CRYZL1: variants seen among roughly 807,000 people sequenced by gnomAD.
CRYZL1 encodes the protein crystallin zeta like 1, also known as ferry endosomal RAB5 effector complex subunit 4.
CRYZL1 carries 34 observed loss-of-function variants against 50.6 expected under a neutral mutation model. That is an observed-to-expected ratio of 0.67 (90% CI 0.51 to 0.89). CRYZL1 has a LOEUF of 0.89. Among genes scored for constraint, CRYZL1 ranks in the 40% least tolerant of loss-of-function variants. The pLI is 0.00. For missense variants in CRYZL1, 354 were observed against 402.3 expected (o/e 0.88, Z 1.03); for synonymous variants, 125 against 134.3 (o/e 0.93, Z 0.48).
rs534819155 is a variant in CRYZL1 at position 33,604,370 on chromosome 21, A to G, written c.332-833T>C. Among the ~76,000 whole-genome samples the G allele has an allele frequency of 4.5e-4, 67 of 149,896 alleles. No homozygotes were observed. The South Asian group carries it at 0.014, about 31-fold the overall frequency. Reference sequence around the variant, plus strand: ...GACTCCGTCTCAAAAAAAAAAAAAAAAAAAAAAAAGTAGCCAGGCGTGGTG... The same window carrying G: ...GACTCCGTCTCAAAAAAAAAAAAAAGAAAAAAAAAGTAGCCAGGCGTGGTG... On this transcript the variant is annotated intron_variant, in intron 6 of 12. Coordinates refer to ENST00000381554, the MANE Select transcript of CRYZL1 (RefSeq NM_145858.3).
chr21:33,641,034 T>C, intron 1 of CRYZL1: 1 of 1,257,436 alleles, frequency 8.0e-7, no homozygotes, highest in African/African-American at 1.5e-5. Flanking sequence ...AAAATTAAAA[T>C]GACATAAGGG....
chr21:33,636,108 C>G (rs2087203947), intron 1 of CRYZL1, among the ~76,000 whole-genome samples: 1 of 152,010 alleles, frequency 6.6e-6, no homozygotes, highest in South Asian at 2.1e-4. Flanking sequence ...TGATATAAAA[C>G]TTTTTGCCCA....
intron 11 of CRYZL1, among the ~76,000 whole-genome samples, chr21:33,592,547 G>GA (rs1376449378): frequency 1.4e-4 from 22 of 152,048 alleles, no homozygotes; most frequent in African/African-American, 3.4e-4. Flanking sequence ...AAAAATCAAA[G>GA]AAAAAATCTA....
At chr21:33,618,687 G>T (rs990646829) in intron 4 of CRYZL1, among the ~76,000 whole-genome samples, 8 of 152,086 alleles carry the variant, frequency 5.3e-5, no homozygotes, top group East Asian at 1.9e-4. Context: ...CTTTCTTTTG[G>T]AGTTTGCTTC....
chr21:33,596,934 C>G (rs1017976060), intron 10 of CRYZL1, among the ~76,000 whole-genome samples: 5 of 151,206 alleles, frequency 3.3e-5, no homozygotes, highest in African/African-American at 1.2e-4. Flanking sequence ...GCAATCTCGG[C>G]TCACTACAAC....
At chr21:33,639,118 A>G (rs968032272) in intron 1 of CRYZL1, among the ~76,000 whole-genome samples, 1 of 152,220 alleles carries the variant, frequency 6.6e-6, no homozygotes, top group African/African-American at 2.4e-5. Flanking sequence ...ACTCTTTTGG[A>G]TCTCAAAAGA....
In CRYZL1 at chr21:33,605,307, A is replaced by C. The variant is rs2086798815; in HGVS notation, c.332-1770T>G. Among the ~76,000 whole-genome samples, 4 of 151,992 alleles carry C rather than the reference A, an allele frequency of 2.6e-5. No individual in the cohort carries two copies. In the South Asian group the frequency reaches 8.3e-4, roughly 32 times the overall value. ...AACAGTATCTTTAAAAAACAGAATC[A>C]TCAGAATGATATTTTAAAAAGATAA... On this transcript the variant is annotated intron_variant, in intron 6 of 12. Coordinates refer to ENST00000381554, the MANE Select transcript of CRYZL1 (RefSeq NM_145858.3).
At chr21:33,608,939 T>C (rs2086841653) in intron 6 of CRYZL1, among the ~76,000 whole-genome samples, 1 of 152,218 alleles carries the variant, frequency 6.6e-6, no homozygotes, top group South Asian at 2.1e-4. Flanking sequence ...ACACTTTCCA[T>C]AATGACTGTA....
intron 9 of CRYZL1, among the ~76,000 whole-genome samples, chr21:33,597,714 G>C (rs944115841): frequency 6.6e-6 from 1 of 152,112 alleles, no homozygotes; most frequent in Non-Finnish European, 1.5e-5. Context: ...CCGGGTTCAC[G>C]CCATCCTCCT....
intron 1 of CRYZL1, chr21:33,641,432 G>C: frequency 8.3e-7 from 1 of 1,207,092 alleles, no homozygotes; most frequent in Non-Finnish European, 1.1e-6. Flanking sequence ...TAAAAGTAGA[G>C]GGAGATGCAA....
intron 1 of CRYZL1, among the ~76,000 whole-genome samples, chr21:33,637,348 G>A (rs940549644): frequency 1.3e-5 from 2 of 151,128 alleles, no homozygotes; most frequent in East Asian, 3.9e-4. Flanking sequence ...GGGAGGCTGA[G>A]AAGGGAGAAT....
At chr21:33,612,591 T>C (rs1367132456) in intron 6 of CRYZL1, among the ~76,000 whole-genome samples, 1 of 152,136 alleles carries the variant, frequency 6.6e-6, no homozygotes, top group African/African-American at 2.4e-5. Context: ...GCCTGGCTGA[T>C]GGTCAGACTT....
intron 3 of CRYZL1, among the ~76,000 whole-genome samples, chr21:33,624,431 C>T (rs962599751): frequency 1.6e-4 from 24 of 152,142 alleles, no homozygotes; most frequent in Non-Finnish European, 3.1e-4. Context: ...CTCCTGTGAT[C>T]CTAGCTACTC....
In CRYZL1 at chr21:33,604,427, G is replaced by T. The variant is rs2086790252; in HGVS notation, c.332-890C>A. Among the ~76,000 whole-genome samples, 2 of 150,852 alleles carry T rather than the reference G, an allele frequency of 1.3e-5. 1 individual carries two copies. The highest frequency in any genetic ancestry group is 1.3e-4 in the Admixed American group (2 of 15,104). ...GCCTTTGGTCCCAACTACTGGAGAG[G>T]CTGAGGCAGGAGAATGGTGTGAACC... On this transcript the variant is annotated intron_variant, in intron 6 of 12. Coordinates refer to ENST00000381554, the MANE Select transcript of CRYZL1 (RefSeq NM_145858.3).
At chr21:33,609,849 C>T (rs1209363074) in intron 6 of CRYZL1, among the ~76,000 whole-genome samples, 4 of 151,734 alleles carry the variant, frequency 2.6e-5, no homozygotes, top group African/African-American at 9.7e-5. Context: ...ACTACAGGCA[C>T]CTGCCACCAC....
intron 6 of CRYZL1, among the ~76,000 whole-genome samples, chr21:33,605,527 A>ATTTTTTTTTTTTTT (rs1555904645): frequency 6.7e-5 from 1 of 14,840 alleles, no homozygotes. Context: ...CAGTACAAGA[A>ATTTTTTTTTTTTTT]TTCTTTTTTT....
chr21:33,596,894 A>G lies in CRYZL1; in HGVS notation c.798+386T>C, dbSNP rs1407029465. Among the ~76,000 whole-genome samples, 4 of 147,648 alleles carry G rather than the reference A, an allele frequency of 2.7e-5. No individual in the cohort carries two copies. The East Asian group carries it at 7.9e-4, about 29-fold the overall frequency. On this transcript the variant is annotated intron_variant, in intron 10 of 12. Transcript: ENST00000381554. ...TTTTTTTTTTTTGAGACAGAGTCTC[A>G]CTCTGTGACCCAGGCTGGTGTGGAG... is the stretch of plus-strand genomic sequence containing the variant.
chr21:33,609,284 C>G (rs2086845384), intron 6 of CRYZL1, among the ~76,000 whole-genome samples: 1 of 152,104 alleles, frequency 6.6e-6, no homozygotes, highest in Non-Finnish European at 1.5e-5. Flanking sequence ...TCTCTGCACA[C>G]TGTTGTTTCC....
chr21:33,593,066 AG>A (rs1375320710), intron 11 of CRYZL1, among the ~76,000 whole-genome samples: 1 of 151,336 alleles, frequency 6.6e-6, no homozygotes, highest in African/African-American at 2.4e-5. Context: ...AAAAAAAAAA[AG>A]AAAGAAAGAA....
Sources: gnomAD v4.1 joint callset for allele counts (sites outside exome capture counted in the v4.1 genomes callset) on GRCh38, gnomAD v4.1.1 for gene constraint, MANE v1.5 for transcripts, NCBI Gene and HGNC (gene_info 2026-07-23, HGNC 2026-07-21) for gene names.